Variants in IL1RAPL1 observed in about 807,000 individuals in gnomAD.
IL1RAPL1 encodes the protein interleukin-1 receptor accessory protein-like 1.
A neutral mutation model predicts 48.4 loss-of-function variants in IL1RAPL1; 3 were observed. The observed-to-expected ratio is 0.06, with a 90% CI of 0.03 to 0.16. IL1RAPL1 has a LOEUF of 0.16. Ranked by LOEUF, IL1RAPL1 falls within the 10% of genes least tolerant of loss-of-function variation. The pLI, the probability that IL1RAPL1 is intolerant of heterozygous loss-of-function variation, is 1.00. For synonymous variants in IL1RAPL1, 185 were observed against 187.7 expected, an observed-to-expected ratio of 0.99 and a Z score of 0.12; for missense variants, 349 against 530.6, an observed-to-expected ratio of 0.66 and a Z score of 3.36.
At chrX:29,575,719 A>G (rs1224810390) in intron 5 of IL1RAPL1, among the ~76,000 whole-genome samples, 1 of 112,080 alleles carries the variant, frequency 8.9e-6, no homozygotes, top group Admixed American at 9.4e-5. Context: ...ATTAACCACT[A>G]CAGAAGCTGT....
At chrX:28,855,463 C>A (rs1319947269) in intron 2 of IL1RAPL1, among the ~76,000 whole-genome samples, 1 of 111,103 alleles carries the variant, frequency 9.0e-6, no homozygotes, top group Non-Finnish European at 1.9e-5. Flanking sequence ...TACAGTACAC[C>A]AAAGAAGGGG....
intron 1 of IL1RAPL1, among the ~76,000 whole-genome samples, chrX:28,693,152 A>C (rs1935197398): frequency 8.9e-6 from 1 of 112,210 alleles, no homozygotes; most frequent in African/African-American, 3.2e-5. Flanking sequence ...CATAGAGGAA[A>C]AGTAGAGGAA....
At chrX:29,406,375 C>T (rs760110135) in intron 5 of IL1RAPL1, among the ~76,000 whole-genome samples, 25 of 98,097 alleles carry the variant, frequency 2.5e-4, no homozygotes, top group Middle Eastern at 5.5e-3. Flanking sequence ...GGCGACAGAG[C>T]GAGACTCTGT....
intron 2 of IL1RAPL1, among the ~76,000 whole-genome samples, chrX:29,012,313 C>T (rs1232067828): frequency 2.7e-5 from 3 of 111,868 alleles, no homozygotes; most frequent in African/African-American, 9.7e-5. Flanking sequence ...GAGGCTGAGG[C>T]GGGTAGATCG....
At chrX:28,921,566 C>T (rs897502144) in intron 2 of IL1RAPL1, among the ~76,000 whole-genome samples, 1 of 111,298 alleles carries the variant, frequency 9.0e-6, no homozygotes, top group African/African-American at 3.3e-5. Flanking sequence ...TTGCTGTGGG[C>T]AGCTAGCTGA....
chrX:29,906,913 A>G (rs922850977), intron 6 of IL1RAPL1, among the ~76,000 whole-genome samples: 18 of 110,710 alleles, frequency 1.6e-4, no homozygotes, highest in African/African-American at 5.6e-4. Flanking sequence ...GAACTCACTG[A>G]CTTAAGTAAA....
chrX:29,930,700 A>G (rs1932937759), intron 8 of IL1RAPL1, among the ~76,000 whole-genome samples: 1 of 112,082 alleles, frequency 8.9e-6, no homozygotes, highest in South Asian at 3.7e-4. Flanking sequence ...GAAAATGCTT[A>G]TAGGAAACCT....
chrX:29,438,243 G>A (rs947292086), intron 5 of IL1RAPL1, among the ~76,000 whole-genome samples: 10 of 111,074 alleles, frequency 9.0e-5, no homozygotes, highest in South Asian at 7.4e-4. Flanking sequence ...TTCATTCTTC[G>A]TATTGGTAAC....
At chrX:29,403,186 CA>C (rs1335577731) in intron 5 of IL1RAPL1, among the ~76,000 whole-genome samples, 1 of 112,379 alleles carries the variant, frequency 8.9e-6, no homozygotes, top group Non-Finnish European at 1.9e-5. Flanking sequence ...TCTACTTATT[CA>C]ATTGTTGCTC....
chrX:29,576,899 C>CAA (rs35355239), intron 5 of IL1RAPL1, among the ~76,000 whole-genome samples: 4,496 of 105,568 alleles, frequency 0.043, 253 homozygotes, highest in African/African-American at 0.14. Flanking sequence ...TTGTTGGTTA[C>CAA]AAAAAAAAAA....
intron 1 of IL1RAPL1, among the ~76,000 whole-genome samples, chrX:28,621,794 A>G (rs896612716): frequency 8.9e-6 from 1 of 112,065 alleles, no homozygotes; most frequent in Admixed American, 9.5e-5. Flanking sequence ...TATTTTTAAT[A>G]GCACACAACA....
chrX:29,196,494 T>C (rs1930446447), intron 2 of IL1RAPL1, among the ~76,000 whole-genome samples: 2 of 111,898 alleles, frequency 1.8e-5, no homozygotes, highest in Non-Finnish European at 3.8e-5. Context: ...TTGTATTTGG[T>C]CTTATCCATA....
At chrX:29,711,171 G>T (rs1927343155) in intron 6 of IL1RAPL1, among the ~76,000 whole-genome samples, 1 of 98,988 alleles carries the variant, frequency 1.0e-5, no homozygotes, top group Non-Finnish European at 2.0e-5. Flanking sequence ...AGTTAATCAG[G>T]TCCTTTTTTT....
chrX:29,116,010 A>C (rs1377610069), intron 2 of IL1RAPL1, among the ~76,000 whole-genome samples: 1 of 111,594 alleles, frequency 9.0e-6, no homozygotes, highest in East Asian at 2.8e-4. Context: ...CAGATAAATT[A>C]AGAACCTTTA....
chrX:29,818,399 G>C (rs1157899874), intron 6 of IL1RAPL1, among the ~76,000 whole-genome samples: 1 of 111,310 alleles, frequency 9.0e-6, no homozygotes, highest in Admixed American at 9.5e-5. Context: ...CTGTAGTTTG[G>C]CCCACTCAAC....
intron 6 of IL1RAPL1, among the ~76,000 whole-genome samples, chrX:29,764,047 A>G (rs1928817673): frequency 8.9e-6 from 1 of 111,866 alleles, no homozygotes; most frequent in Non-Finnish European, 1.9e-5. Context: ...TGTAAATTAC[A>G]GTTTTAAAAC....
At chrX:28,951,820 A>T (rs1291994928) in intron 2 of IL1RAPL1, among the ~76,000 whole-genome samples, 1 of 112,141 alleles carries the variant, frequency 8.9e-6, no homozygotes, top group Non-Finnish European at 1.9e-5. Flanking sequence ...GGAAACACAG[A>T]TAAATACTTT....
At chrX:29,224,968 A>G (rs1464227421) in intron 2 of IL1RAPL1, among the ~76,000 whole-genome samples, 1 of 112,121 alleles carries the variant, frequency 8.9e-6, no homozygotes, top group Admixed American at 9.5e-5. Flanking sequence ...TGCCTGCATG[A>G]CCAAAATCGA....
At chrX:29,114,488 A>G (rs1031912155) in intron 2 of IL1RAPL1, among the ~76,000 whole-genome samples, 1 of 111,511 alleles carries the variant, frequency 9.0e-6, no homozygotes, top group Non-Finnish European at 1.9e-5. Flanking sequence ...GTCCTGATCA[A>G]TTTTTCAAGT....
Sources: allele counts gnomAD v4.1 joint callset (sites outside exome capture counted in the v4.1 genomes callset), GRCh38; gene constraint gnomAD v4.1.1; transcripts MANE v1.5; gene names NCBI Gene and HGNC (gene_info 2026-07-23, HGNC 2026-07-21).